Variants in THSD7A observed in about 807,000 individuals in gnomAD.
THSD7A encodes the protein thrombospondin type-1 domain-containing protein 7A.
A neutral mutation model predicts 231.3 loss-of-function variants in THSD7A; 96 were observed. The observed-to-expected ratio is 0.41, with a 90% CI of 0.35 to 0.49. The LOEUF (loss-of-function observed/expected upper bound fraction) is 0.49. Ranked by LOEUF, THSD7A falls within the 20% of genes least tolerant of loss-of-function variation. The probability of loss-of-function intolerance (pLI) is 0.05; values close to 1 mark genes in which losing one functional copy is unlikely to be tolerated. For missense variants in THSD7A, 2,290 were observed against 2,070.2 expected (o/e 1.11, Z -2.06); for synonymous variants, 940 against 743.3 (o/e 1.26, Z -4.30).
chr7:11,662,065 T>G (rs1196696511), intron 1 of THSD7A, among the ~76,000 whole-genome samples: 1 of 150,938 alleles, frequency 6.6e-6, no homozygotes, highest in Non-Finnish European at 1.5e-5. Context: ...AAAAGATACA[T>G]AGAAGAGTTG....
chr7:11,690,580 T>C (rs1780202918), intron 1 of THSD7A, among the ~76,000 whole-genome samples: 1 of 151,722 alleles, frequency 6.6e-6, no homozygotes, highest in African/African-American at 2.4e-5. Flanking sequence ...AGGTGTAAGC[T>C]TGAGACAGAC....
chr7:11,488,484 T>G (rs2128306786), intron 6 of THSD7A, among the ~76,000 whole-genome samples: 1 of 152,216 alleles, frequency 6.6e-6, no homozygotes, highest in African/African-American at 2.4e-5. Flanking sequence ...GCCTCATTCT[T>G]CACTCCCCTT....
intron 7 of THSD7A, among the ~76,000 whole-genome samples, chr7:11,479,825 G>A (rs990028981): frequency 6.6e-6 from 1 of 152,012 alleles, no homozygotes; most frequent in African/African-American, 2.4e-5. Context: ...GAGGTAAATA[G>A]CAGCAGAGAC....
At chr7:11,697,408 T>C (rs979054531) in intron 1 of THSD7A, among the ~76,000 whole-genome samples, 8 of 151,506 alleles carry the variant, frequency 5.3e-5, no homozygotes, top group Admixed American at 5.3e-4. Context: ...TGTGGTTTCA[T>C]ATTTTACAAC....
At chr7:11,440,996 T>G (rs1260811032) in intron 13 of THSD7A, among the ~76,000 whole-genome samples, 1 of 152,024 alleles carries the variant, frequency 6.6e-6, no homozygotes, top group Non-Finnish European at 1.5e-5. Flanking sequence ...CATTACTGTC[T>G]TATTTTAAGA....
At chr7:11,677,232 T>C (rs1426637989) in intron 1 of THSD7A, among the ~76,000 whole-genome samples, 2 of 152,024 alleles carry the variant, frequency 1.3e-5, no homozygotes, top group Non-Finnish European at 2.9e-5. Context: ...GATTTTGTCA[T>C]GACCAGGCCT....
At position 11,411,367 on chromosome 7, in the gene THSD7A, A is replaced by G. The variant is rs1783780310; in HGVS notation, c.3683-45T>C. 5 of 1,345,146 alleles carry G rather than the reference A, an allele frequency of 3.7e-6. No homozygotes were observed. Among genetic ancestry groups the G allele is most frequent in the Non-Finnish European group, 5.3e-6 (5 of 951,704 alleles). 83.3% of individuals were successfully genotyped at this position (1,345,146 alleles called of 1,614,324 possible). A position where few individuals can be genotyped will look rare whatever the true frequency, so the allele number is the denominator to read the frequency against. On this transcript the variant is annotated intron_variant, in intron 18 of 27. Coordinates refer to ENST00000423059, the MANE Select transcript of THSD7A (RefSeq NM_015204.3). The surrounding 1 kb of genome is among the most constrained non-coding windows in gnomAD (Gnocchi z 4.1). Reference sequence around the variant, plus strand: ...ATCAGAACAGAAGGCTAAGTAAGAAACAGATTTCAAATGAAACTCTGATGA... The same window carrying G: ...ATCAGAACAGAAGGCTAAGTAAGAAGCAGATTTCAAATGAAACTCTGATGA...
chr7:11,562,848 G>A (rs777676675), intron 4 of THSD7A, among the ~76,000 whole-genome samples: 18 of 152,192 alleles, frequency 1.2e-4, no homozygotes, highest in African/African-American at 3.6e-4. Flanking sequence ...CTAGTGGTGC[G>A]TTTTTGATGT....
intron 4 of THSD7A, among the ~76,000 whole-genome samples, chr7:11,587,066 A>G (rs1285894754): frequency 6.6e-6 from 1 of 152,234 alleles, no homozygotes; most frequent in Non-Finnish European, 1.5e-5. Flanking sequence ...AAACATGTTC[A>G]ATCTGTACTA....
rs371629387 is a variant in THSD7A, at chr7:11,787,496, C to T, written c.190+44261G>A. On this transcript the variant is annotated intron_variant, in intron 1 of 27. Transcript: ENST00000423059. ...AAGCCACGCATTGGGAGAAAATTTTCAAAAGATACAACTGATAAATGACTG... is the reference window on the plus strand; with the variant it reads ...AAGCCACGCATTGGGAGAAAATTTTTAAAAGATACAACTGATAAATGACTG... 1.2e-4 allele frequency among the ~76,000 whole-genome samples: 18 copies of T among 152,028 alleles called. No homozygotes were observed. The East Asian group carries it at 1.5e-3, about 13-fold the overall frequency.
At chr7:11,671,175 G>T (rs566190614) in intron 1 of THSD7A, among the ~76,000 whole-genome samples, 1 of 152,292 alleles carries the variant, frequency 6.6e-6, no homozygotes, top group African/African-American at 2.4e-5. Flanking sequence ...GCTTTTAGCT[G>T]CTTTTCTGAT....
chr7:11,753,792 G>T (rs975503084), intron 1 of THSD7A, among the ~76,000 whole-genome samples: 9 of 149,220 alleles, frequency 6.0e-5, no homozygotes, highest in Non-Finnish European at 9.0e-5. Flanking sequence ...GAGAGAGACA[G>T]AGAGAGAGAG....
At chr7:11,554,961 C>T (rs775035246) in intron 4 of THSD7A, among the ~76,000 whole-genome samples, 3 of 151,850 alleles carry the variant, frequency 2.0e-5, no homozygotes, top group Non-Finnish European at 2.9e-5. Context: ...TTCCCTATTT[C>T]ATTCCTGGTG....
chr7:11,594,150 T>C (rs542480226), intron 2 of THSD7A, among the ~76,000 whole-genome samples: 3 of 152,308 alleles, frequency 2.0e-5, no homozygotes, highest in African/African-American at 7.2e-5. Context: ...CCGTGCTAGA[T>C]GCTTCCTGCC....
intron 23 of THSD7A, among the ~76,000 whole-genome samples, chr7:11,392,376 T>C (rs1783016323): frequency 6.6e-6 from 1 of 152,156 alleles, no homozygotes; most frequent in Non-Finnish European, 1.5e-5. Context: ...TCATGGTCTT[T>C]GCAACCCACT....
intron 1 of THSD7A, among the ~76,000 whole-genome samples, chr7:11,810,668 C>T (rs1170216133): frequency 2.0e-5 from 3 of 152,216 alleles, no homozygotes; most frequent in Non-Finnish European, 4.4e-5. Context: ...TTTAACTTTC[C>T]ATTCCAGATG....
At chr7:11,681,040 T>C (rs1783848738) in intron 1 of THSD7A, among the ~76,000 whole-genome samples, 2 of 152,116 alleles carry the variant, frequency 1.3e-5, no homozygotes, top group African/African-American at 4.8e-5. Context: ...AATGAGTTCA[T>C]GTCCTTTGCA....
intron 1 of THSD7A, among the ~76,000 whole-genome samples, chr7:11,758,722 A>G (rs1250334235): frequency 3.3e-5 from 5 of 152,200 alleles, no homozygotes; most frequent in East Asian, 1.9e-4. Flanking sequence ...CCACAATCCT[A>G]TCTTTAAAGG....
At chr7:11,820,210 G>C in intron 1 of THSD7A, 1 of 351,680 alleles carries the variant, frequency 2.8e-6, no homozygotes, top group Non-Finnish European at 5.3e-6. Context: ...TGAGGGGTGG[G>C]GGTAGGATTT....
Sources: allele counts gnomAD v4.1 joint callset (sites outside exome capture counted in the v4.1 genomes callset), GRCh38; gene constraint gnomAD v4.1.1; non-coding constraint Gnocchi (gnomAD v3.1); transcripts MANE v1.5; gene names NCBI Gene and HGNC (gene_info 2026-07-23, HGNC 2026-07-21).